Variants in EGF observed in about 807,000 individuals in gnomAD.
EGF encodes the protein epidermal growth factor, also known as pro-epidermal growth factor.
In EGF, 95 loss-of-function variants were observed where a neutral mutation model predicts 143.8. The observed-to-expected ratio is 0.66, with a 90% CI of 0.56 to 0.78. The LOEUF (loss-of-function observed/expected upper bound fraction) is 0.78. Ranked by LOEUF, EGF falls within the 30% of genes least tolerant of loss-of-function variation. The pLI is 0.00. For synonymous variants in EGF, 510 were observed against 510.5 expected (o/e 1.00, Z 0.01); for missense variants, 1,320 against 1,470.9 (o/e 0.90, Z 1.68).
rs11568942 is a variant in EGF, at chr4:109,961,840, T to C, written c.1190-23T>C. 42,844 of 1,612,938 alleles carry C rather than the reference T, an allele frequency of 0.027. 3,695 individuals carry two copies. Among genetic ancestry groups the C allele is most frequent in the East Asian group, 0.19 (8,651 of 44,800 alleles). ...TGCAAACCCGATTTAACACTAATCT[T>C]GACCTTGTTCTTTATTAATTAGAAC... On this transcript the variant is annotated intron_variant, in intron 7 of 23. Coordinates refer to ENST00000265171, the MANE Select transcript of EGF (RefSeq NM_001963.6).
At position 110,011,233 on chromosome 4, in the gene EGF, G is replaced by GC. The variant is rs11569144; in HGVS notation, c.3406dup (p.Gln1136ProfsTer18). ...TGCAACCAACTTCATGGAGGCAGGA[G>GC]CCCCAGTTATGTGGAATGGGCACAG... On this transcript the variant is annotated frameshift_variant, in exon 24 of 24. Coordinates refer to ENST00000265171, the MANE Select transcript of EGF (RefSeq NM_001963.6). LOFTEE classifies it low-confidence loss of function (END_TRUNC). 0.017 allele frequency: 26,761 copies of GC among 1,614,128 alleles called. 2,698 individuals are homozygous for GC. The East Asian group carries it at 0.24, about 14-fold the overall frequency.
intron 5 of EGF, among the ~76,000 whole-genome samples, chr4:109,957,194 G>A (rs149608400): frequency 7.9e-5 from 12 of 152,228 alleles, no homozygotes; most frequent in African/African-American, 2.9e-4. Flanking sequence ...TCCTGCAATA[G>A]GCCCCAACAG....
intron 1 of EGF, among the ~76,000 whole-genome samples, chr4:109,939,232 C>T (rs1741472521): frequency 6.6e-6 from 1 of 152,232 alleles, no homozygotes; most frequent in African/African-American, 2.4e-5. Flanking sequence ...ACTACCTACT[C>T]AAGCCTCAGC....
At position 109,989,245 on chromosome 4, in the gene EGF, T is replaced by G. The variant is rs182950614; in HGVS notation, c.2734+536T>G. Among the ~76,000 whole-genome samples, 17 of 152,280 alleles carry G rather than the reference T, an allele frequency of 1.1e-4. No individual in the cohort carries two copies. In the East Asian group the frequency reaches 2.9e-3, roughly 26 times the overall value. On this transcript the variant is annotated intron_variant, in intron 18 of 23. Transcript: ENST00000265171. ...AAGTAAAGAATGATTCAACCCTCTT[T>G]CGTAATCCCCGTCCTCTGGCAAGGT...
At chr4:109,935,145 C>T (rs1289874767) in intron 1 of EGF, among the ~76,000 whole-genome samples, 1 of 152,140 alleles carries the variant, frequency 6.6e-6, no homozygotes, top group Non-Finnish European at 1.5e-5. Flanking sequence ...TTATAAATTA[C>T]TTTGGCAGTA....
intron 1 of EGF, among the ~76,000 whole-genome samples, chr4:109,921,955 G>A (rs904010255): frequency 1.3e-5 from 2 of 151,470 alleles, no homozygotes; most frequent in African/African-American, 2.5e-5. Flanking sequence ...TCCAGCCCAG[G>A]CCTTCCCTTA....
At chr4:109,978,145 TAA>T (rs1181826600) in intron 13 of EGF, among the ~76,000 whole-genome samples, 1 of 152,210 alleles carries the variant, frequency 6.6e-6, no homozygotes, top group Non-Finnish European at 1.5e-5. Flanking sequence ...GAATTTCTTC[TAA>T]GAGTGGATGT....
rs532210704 is a variant in EGF, at chr4:110,001,565, C to T, written c.3173+1719C>T. 1.2e-4 allele frequency: 111 copies of T among 965,010 alleles called. No individual in the cohort carries two copies. The South Asian group carries it at 1.8e-3, about 16-fold the overall frequency. The allele number at this position is 965,010 out of a possible 1,614,324, so 59.8% of individuals were successfully genotyped here. On this transcript the variant is annotated intron_variant, in intron 21 of 23. Coordinates refer to ENST00000265171, the MANE Select transcript of EGF (RefSeq NM_001963.6). ...TGGAAACTAGAAACTTAAGTTCATG[C>T]GTGCCATAATTATTAAGTGTTTTTT...
intron 13 of EGF, among the ~76,000 whole-genome samples, chr4:109,979,750 G>C (rs1239898628): frequency 1.3e-5 from 2 of 152,142 alleles, no homozygotes; most frequent in Non-Finnish European, 2.9e-5. Context: ...GGGCCTTGCT[G>C]GGACCTCATG....
chr4:109,992,200 A>AT (rs1751048369), intron 18 of EGF: 1 of 138,006 alleles, frequency 7.2e-6, no homozygotes, highest in Admixed American at 6.9e-5. Context: ...AAAAAAAAAA[A>AT]GACAGAGAGA....
At chr4:109,996,708 C>G (rs1395298494) in intron 20 of EGF, among the ~76,000 whole-genome samples, 3 of 152,152 alleles carry the variant, frequency 2.0e-5, no homozygotes, top group Non-Finnish European at 2.9e-5. Context: ...CTGGAAGTTC[C>G]CCTCAGCCAC....
At chr4:109,943,201 T>C in intron 2 of EGF, 53 bp from the exon 3 acceptor site, 1 of 1,251,110 alleles carries the variant, frequency 8.0e-7, no homozygotes, top group South Asian at 1.4e-5. Context: ...TTAAAATAAT[T>C]TTGTTGTGAA....
At chr4:109,977,493 T>C (rs1748679898) in intron 13 of EGF, 1 of 151,750 alleles carries the variant, frequency 6.6e-6, no homozygotes, top group Non-Finnish European at 1.5e-5. Context: ...ACAAATATGA[T>C]ATCTGCAAAG....
chr4:109,945,095 C>T lies in EGF; in HGVS notation c.760C>T (p.Leu254Phe). Residue 254 changes from leucine (L) to phenylalanine (F), a missense_variant, in exon 5 of 24, where the codon CTT becomes TTT. Leu to Phe is a conservative substitution (Grantham distance 22, BLOSUM62 0). This residue lies in a region of EGF where 1,186 missense variants were observed against 1,313.7 expected (regional missense o/e 0.90). Transcript: ENST00000265171. Reference protein sequence around the residue: ...PTQHNLFAMSLFGDRIFYSTW... With the variant: ...PTQHNLFAMSFFGDRIFYSTW... Reference sequence around the variant, plus strand: ...TAGGCATAATTTGTTTGCAATGTCCCTTTTTGGTGACCGTATCTTCTATTC... The same window carrying T: ...TAGGCATAATTTGTTTGCAATGTCCTTTTTTGGTGACCGTATCTTCTATTC... The T allele has an allele frequency of 6.2e-7, 1 of 1,614,074 alleles. No homozygotes were observed. The highest frequency in any genetic ancestry group is 8.5e-7 in the Non-Finnish European group (1 of 1,180,008).
chr4:109,963,387 G>A (rs542559958), intron 9 of EGF, 89 bp downstream of exon 9: 1 of 1,565,308 alleles, frequency 6.4e-7, no homozygotes, highest in Admixed American at 1.7e-5. Context: ...AACTGCTTAT[G>A]GTTTTGTATT....
intron 13 of EGF, among the ~76,000 whole-genome samples, chr4:109,979,460 G>A (rs1019314810): frequency 6.6e-6 from 1 of 151,990 alleles, no homozygotes; most frequent in Non-Finnish European, 1.5e-5. Flanking sequence ...GACTAATGCA[G>A]GCAAATGTGT....
chr4:109,954,090 C>T (rs1260618180), intron 5 of EGF, among the ~76,000 whole-genome samples: 1 of 152,186 alleles, frequency 6.6e-6, no homozygotes, highest in African/African-American at 2.4e-5. Flanking sequence ...CTCGCTCTGT[C>T]ACCCATGCTG....
intron 20 of EGF, among the ~76,000 whole-genome samples, chr4:109,998,119 T>C (rs1054581093): frequency 3.9e-5 from 6 of 152,224 alleles, no homozygotes; most frequent in Admixed American, 2.6e-4. Flanking sequence ...TCTCCAGGAC[T>C]CTTGGCTAAG....
intron 4 of EGF, 46 bp from the exon 5 acceptor site, chr4:109,945,027 G>T (rs1438659127): frequency 1.9e-6 from 3 of 1,590,204 alleles, no homozygotes; most frequent in East Asian, 2.2e-5. Flanking sequence ...ATAAGACAAG[G>T]AACAAATGTT....
Sources: allele counts gnomAD v4.1 joint callset (sites outside exome capture counted in the v4.1 genomes callset), GRCh38; gene constraint gnomAD v4.1.1; regional missense constraint gnomAD v4.1.1; transcripts MANE v1.5; gene names NCBI Gene and HGNC (gene_info 2026-07-23, HGNC 2026-07-21).